Variants in DNAH10 observed in about 807,000 individuals in gnomAD.
DNAH10 encodes dynein axonemal heavy chain 10.
Under a neutral mutation model 506.6 loss-of-function variants are expected in DNAH10, and 348 were observed. The observed-to-expected ratio is 0.69, with a 90% confidence interval of 0.63 to 0.75. The LOEUF is 0.75. Ranked by LOEUF, DNAH10 falls within the 30% of genes least tolerant of loss-of-function variation. The probability of loss-of-function intolerance (pLI) is 0.00; values close to 1 mark genes in which losing one functional copy is unlikely to be tolerated. For synonymous variants in DNAH10, 2,059 were observed against 2,198.6 expected (o/e 0.94, Z 1.78); for missense variants, 5,179 against 5,787.1 (o/e 0.89, Z 3.41).
chr12:123,933,545 C>T, intron 77 of DNAH10, 34 bp downstream of exon 77: 1 of 1,546,034 alleles, frequency 6.5e-7, no homozygotes, highest in Non-Finnish European at 8.8e-7. Flanking sequence ...CACAGCCTCT[C>T]ACTTAGGATT....
Position 123,925,053 on chromosome 12 carries a change from T to C in DNAH10, c.11770T>C (p.Tyr3924His), listed in dbSNP as rs1293413538. 2 of 1,613,982 alleles carry C rather than the reference T, an allele frequency of 1.2e-6. No homozygotes were observed. The highest frequency in any genetic ancestry group is 2.2e-5 in the East Asian group (1 of 44,882). ...GAATATTCTTTGCTTTTCCCAGTGG[T>C]ATGACCTGGATTCACTGGAGCAGTT... ...ENNQTVWQEW[Y>H]DLDSLEQFPV... The change falls in exon 68 of 79, where the codon TAT (tyrosine) becomes CAT (histidine). Residue 3924 changes from tyrosine (Y) to histidine (H), a missense_variant. Tyr to His is a moderately conservative substitution (Grantham distance 83). Around this residue, in one of 3 missense-constraint regions of DNAH10, gnomAD observed 4,844 missense variants for 5,430.5 expected, o/e 0.89. Transcript: ENST00000673944. This position sits in a 1 kb window ranked among gnomAD's most constrained non-coding sequence, Gnocchi z 4.0.
chr12:123,881,361 TA>T, intron 50 of DNAH10, among the ~76,000 whole-genome samples: 1 of 152,210 alleles, frequency 6.6e-6, no homozygotes, highest in Non-Finnish European at 1.5e-5. Context: ...TGTGAGATGG[TA>T]TCTCATTGTG....
Position 123,903,163 on chromosome 12 carries a change from C to A in DNAH10, c.9815+50C>A. On this transcript the variant is annotated intron_variant, in intron 57 of 78. Coordinates refer to ENST00000673944, the MANE Select transcript of DNAH10 (RefSeq NM_001372106.1). This position sits in a 1 kb window ranked among gnomAD's most constrained non-coding sequence, Gnocchi z 4.6. ...GGGCTTCCATTCCACCTCTGCAAGC[C>A]AGTAGTCTCCATGATCGTGGCAACC... is the stretch of plus-strand genomic sequence containing the variant. 1 of 1,540,904 alleles carries A rather than the reference C, an allele frequency of 6.5e-7. No homozygotes were observed. The highest frequency in any genetic ancestry group is 8.7e-7 in the Non-Finnish European group (1 of 1,144,116).
intron 11 of DNAH10, among the ~76,000 whole-genome samples, chr12:123,793,399 C>T (rs1425501070): frequency 2.7e-5 from 4 of 148,746 alleles, no homozygotes; most frequent in African/African-American, 1.0e-4. Context: ...AGTGCAGTGG[C>T]GCCATCTCGG....
intron 5 of DNAH10, among the ~76,000 whole-genome samples, chr12:123,780,696 G>A (rs1237661629): frequency 6.6e-6 from 1 of 151,200 alleles, no homozygotes; most frequent in Non-Finnish European, 1.5e-5. Flanking sequence ...GCTCACGCCT[G>A]TAATCCCAGC....
intron 50 of DNAH10, 31 bp downstream of exon 50, chr12:123,879,832 T>C (rs1282799402): frequency 6.2e-7 from 1 of 1,605,376 alleles, no homozygotes; most frequent in African/African-American, 1.3e-5. Flanking sequence ...GTCCATGGGC[T>C]CACTTTCTCC....
At position 123,818,949 on chromosome 12, in the gene DNAH10, GCCT is replaced by G; in HGVS notation, c.3784_3786del (p.Pro1262del). 6.3e-7 allele frequency: 1 copy of G among 1,584,490 alleles called. No homozygotes were observed. Among genetic ancestry groups the G allele is most frequent in the Non-Finnish European group, 8.6e-7 (1 of 1,161,892 alleles). ...TTCTGTTTTTTGTTTCTCCTAATTAGCCTCCTGATGCAGAGAAAGAACTGGTTG... is the reference window on the plus strand; with the variant it reads ...TTCTGTTTTTTGTTTCTCCTAATTAGCCTGATGCAGAGAAAGAACTGGTTG... On this transcript the variant is annotated inframe_deletion and splice_region_variant, in exon 22 of 79. Coordinates refer to ENST00000673944, the MANE Select transcript of DNAH10 (RefSeq NM_001372106.1).
intron 36 of DNAH10, among the ~76,000 whole-genome samples, chr12:123,856,374 T>C (rs1337421833): frequency 5.3e-5 from 8 of 151,112 alleles, no homozygotes; most frequent in South Asian, 2.1e-4. Flanking sequence ...AGTTTCACTC[T>C]TGTCACGCCA....
chr12:123,867,769 C>G, intron 42 of DNAH10, 134 bp from the exon 43 acceptor site: 1 of 1,317,636 alleles, frequency 7.6e-7, no homozygotes, highest in Non-Finnish European at 1.0e-6. Flanking sequence ...ATACTGGGTT[C>G]CATCTGTCTG....
chr12:123,925,686 C>T lies in DNAH10; in HGVS notation c.11921+482C>T, dbSNP rs1034410751. On this transcript the variant is annotated intron_variant, in intron 68 of 78. Coordinates refer to ENST00000673944, the MANE Select transcript of DNAH10 (RefSeq NM_001372106.1). The surrounding 1 kb of genome is among the most constrained non-coding windows in gnomAD (Gnocchi z 4.0). ...GACAATGTAGCTCTAGCATGGGGTA[C>T]GAAGCCAGGCGGAGCGTGTGGGGCT... The T allele has an allele frequency of 7.1e-5, 11 of 155,454 alleles. No individual in the cohort carries two copies. Among genetic ancestry groups the T allele is most frequent in the African/African-American group, 2.2e-4 (9 of 41,468 alleles). 9.6% of individuals were successfully genotyped at this position (155,454 alleles called of 1,614,324 possible).
In DNAH10 at chr12:123,838,421, A is replaced by G. The variant is rs775126335; in HGVS notation, c.4903-35A>G. 1.9e-6 allele frequency: 3 copies of G among 1,577,996 alleles called. No homozygotes were observed. In the South Asian group the frequency reaches 3.4e-5, roughly 18 times the overall value. On this transcript the variant is annotated intron_variant, in intron 28 of 78. Coordinates refer to ENST00000673944, the MANE Select transcript of DNAH10 (RefSeq NM_001372106.1). ...AACAGTGTCTCCGCTCTCCCTGCTCACCCTGCTTGACGGCTGTCCTCTGTT... is the reference window on the plus strand; with the variant it reads ...AACAGTGTCTCCGCTCTCCCTGCTCGCCCTGCTTGACGGCTGTCCTCTGTT...
intron 27 of DNAH10, among the ~76,000 whole-genome samples, chr12:123,834,539 A>G (rs374062194): frequency 2.6e-5 from 4 of 152,210 alleles, no homozygotes; most frequent in African/African-American, 9.6e-5. Context: ...TAAAATTTAA[A>G]TAACATAAAA....
In DNAH10 at chr12:123,801,389, A is replaced by C. The variant is rs1958477754; in HGVS notation, c.2571A>C (p.Arg857=). 6.2e-7 allele frequency: 1 copy of C among 1,614,052 alleles called. No individual in the cohort carries two copies. Among genetic ancestry groups the C allele is most frequent in the African/African-American group, 1.3e-5 (1 of 74,930 alleles). Residue 857 remains arginine (R), a synonymous_variant, in exon 16 of 79, where the codon CGA becomes CGC. Coordinates refer to ENST00000673944, the MANE Select transcript of DNAH10 (RefSeq NM_001372106.1). ...LLKDHSQELL[R]VFRSGYKRLN... ...AAGATCATTCCCAGGAACTGCTCCG[A>C]GTGTTTAGGTCGGGATATAAGAGGT...
chr12:123,841,729 C>T (rs1026109011), intron 30 of DNAH10, among the ~76,000 whole-genome samples, 184 bp downstream of exon 30: 2 of 152,112 alleles, frequency 1.3e-5, no homozygotes, highest in South Asian at 4.1e-4. Flanking sequence ...TGCTCTGTCA[C>T]CCAGGCTGGA....
chr12:123,781,490 G>A (rs1466935519), intron 6 of DNAH10, among the ~76,000 whole-genome samples, 191 bp downstream of exon 6: 1 of 152,052 alleles, frequency 6.6e-6, no homozygotes, highest in Non-Finnish European at 1.5e-5. Context: ...TTTTGAGACA[G>A]AGCCTCACTC....
chr12:123,902,805 A>G lies in DNAH10; in HGVS notation c.9641-134A>G. On this transcript the variant is annotated intron_variant, in intron 56 of 78. Transcript: ENST00000673944. This position sits in a 1 kb window ranked among gnomAD's most constrained non-coding sequence, Gnocchi z 4.5. ...TCCCACCAGGATCACTGAGGCTGCC[A>G]CATTGGCCAGAGCCCCTTAGATCCC... The G allele has an allele frequency of 8.7e-7, 1 of 1,155,166 alleles. No individual in the cohort carries two copies. The highest frequency in any genetic ancestry group is 1.2e-6 in the Non-Finnish European group (1 of 841,142). 71.6% of individuals were successfully genotyped at this position (1,155,166 alleles called of 1,614,324 possible).
chr12:123,800,738 G>A (rs1190697507), intron 15 of DNAH10, among the ~76,000 whole-genome samples: 2 of 152,032 alleles, frequency 1.3e-5, no homozygotes, highest in African/African-American at 4.8e-5. Flanking sequence ...AAAATATGGG[G>A]TTGGGTGTGG....
At chr12:123,838,288 T>C (rs1961389578) in intron 28 of DNAH10, among the ~76,000 whole-genome samples, 168 bp from the exon 29 acceptor site, 1 of 152,162 alleles carries the variant, frequency 6.6e-6, no homozygotes, top group African/African-American at 2.4e-5. Flanking sequence ...AGGATATGCA[T>C]GTTTAAAAAT....
intron 18 of DNAH10, among the ~76,000 whole-genome samples, chr12:123,806,822 C>T (rs1958693437): frequency 6.7e-6 from 1 of 148,404 alleles, no homozygotes; most frequent in Admixed American, 6.8e-5. Context: ...GGCTGGAGTG[C>T]AGTGGCGCAA....
Sources: allele counts gnomAD v4.1 joint callset (sites outside exome capture counted in the v4.1 genomes callset), GRCh38; gene constraint gnomAD v4.1.1; regional missense constraint gnomAD v4.1.1; non-coding constraint Gnocchi (gnomAD v3.1); transcripts MANE v1.5; gene names NCBI Gene and HGNC (gene_info 2026-07-23, HGNC 2026-07-21).